Variants in UBE3B observed in about 807,000 individuals in gnomAD.
UBE3B encodes the protein ubiquitin-protein ligase E3B.
UBE3B carries 80 observed loss-of-function variants against 132.3 expected under a neutral mutation model. That is an observed-to-expected ratio of 0.60 (90% confidence interval 0.50 to 0.73). The LOEUF (loss-of-function observed/expected upper bound fraction) is 0.73. Ranked by LOEUF, UBE3B falls within the 30% of genes least tolerant of loss-of-function variation. The pLI is 0.00. For missense variants in UBE3B, 1,196 were observed against 1,362.5 expected (o/e 0.88, Z 1.92); for synonymous variants, 487 against 520.4 (o/e 0.94, Z 0.87).
chr12:109,534,265 G>T lies in UBE3B; in HGVS notation c.3016-326G>T. ...GGGAGGAGTGCATTCAGAAATGTTT[G>T]GGCACCTAACAGTTTTTACAGCATT... is the stretch of plus-strand genomic sequence containing the variant. On this transcript the variant is annotated intron_variant, in intron 27 of 27. Transcript: ENST00000342494. This position sits in a 1 kb window ranked among gnomAD's most constrained non-coding sequence, Gnocchi z 5.2. 7.6e-7 allele frequency: 1 copy of T among 1,313,000 alleles called. No individual in the cohort carries two copies. The highest frequency in any genetic ancestry group is 9.8e-7 in the Non-Finnish European group (1 of 1,022,564). The allele number at this position is 1,313,000 out of a possible 1,614,324, so 81.3% of individuals were successfully genotyped here. A position where few individuals can be genotyped will look rare whatever the true frequency, so the allele number is the denominator to read the frequency against.
chr12:109,508,850 A>G (rs896988056), intron 15 of UBE3B: 16 of 690,992 alleles, frequency 2.3e-5, no homozygotes, highest in African/African-American at 3.9e-5. Context: ...ACAAATGCTT[A>G]CTAAGTACCT....
chr12:109,523,074 G>T (rs1326895629), intron 21 of UBE3B, among the ~76,000 whole-genome samples: 1 of 152,170 alleles, frequency 6.6e-6, no homozygotes, highest in Non-Finnish European at 1.5e-5. Flanking sequence ...TAATTGTGCT[G>T]ACGAGAGAAG....
Position 109,521,824 on chromosome 12 carries a change from A to C in UBE3B, c.2364+273A>C, listed in dbSNP as rs757818603. ...TGAAGCTTTGAGGAGTCACCTGTCC[A>C]GAGTTTCGTTGCTAGTTAAGTGGTA... is the stretch of plus-strand genomic sequence containing the variant. On this transcript the variant is annotated intron_variant, in intron 21 of 27. Coordinates refer to ENST00000342494, the MANE Select transcript of UBE3B (RefSeq NM_130466.4). The surrounding 1 kb of genome is among the most constrained non-coding windows in gnomAD (Gnocchi z 4.2). 6.6e-6 allele frequency among the ~76,000 whole-genome samples: 1 copy of C among 152,150 alleles called. No individual in the cohort carries two copies. The highest frequency in any genetic ancestry group is 1.5e-5 in the Non-Finnish European group (1 of 68,016).
At chr12:109,502,303 C>A (rs1879100195) in intron 13 of UBE3B, among the ~76,000 whole-genome samples, 1 of 152,228 alleles carries the variant, frequency 6.6e-6, no homozygotes, top group African/African-American at 2.4e-5. Flanking sequence ...AAAGGAGCCA[C>A]TCACTGAACC....
At chr12:109,533,750 G>A (rs1883190890) in intron 27 of UBE3B, 192 bp downstream of exon 27, 7 of 824,162 alleles carry the variant, frequency 8.5e-6, no homozygotes, top group Non-Finnish European at 1.4e-5. Flanking sequence ...GACTGCCCAC[G>A]GACTCAGCCC....
In UBE3B at chr12:109,521,676, G is replaced by A. The variant is rs1881734619; in HGVS notation, c.2364+125G>A. 2.3e-6 allele frequency: 2 copies of A among 851,332 alleles called. No homozygotes were observed. The highest frequency in any genetic ancestry group is 3.4e-5 in the African/African-American group (2 of 59,216). The allele number at this position is 851,332 out of a possible 1,614,324, so 52.7% of individuals were successfully genotyped here. A position where few individuals can be genotyped will look rare whatever the true frequency, so the allele number is the denominator to read the frequency against. ...GTCACTAGGATACAAGCGAGGACAG[G>A]GGCAGGAACCAAGGTTTGTTGTACA... On this transcript the variant is annotated intron_variant, in intron 21 of 27. Transcript: ENST00000342494. The surrounding 1 kb of genome is among the most constrained non-coding windows in gnomAD (Gnocchi z 4.2).
rs190742542 is a variant in UBE3B at position 109,522,194 on chromosome 12, C to T, written c.2364+643C>T. Reference sequence around the variant, plus strand: ...AATGGTAAGTGAGGAGGGCCTTCTACGGTGCCCAGCCAGCTGCTCACACCA... The same window carrying T: ...AATGGTAAGTGAGGAGGGCCTTCTATGGTGCCCAGCCAGCTGCTCACACCA... On this transcript the variant is annotated intron_variant, in intron 21 of 27. Coordinates refer to ENST00000342494, the MANE Select transcript of UBE3B (RefSeq NM_130466.4). This position sits in a 1 kb window ranked among gnomAD's most constrained non-coding sequence, Gnocchi z 4.2. Among the ~76,000 whole-genome samples, 66 of 152,298 alleles carry T rather than the reference C, an allele frequency of 4.3e-4. No homozygotes were observed. Among genetic ancestry groups the T allele is most frequent in the Admixed American group, 8.5e-4 (13 of 15,300 alleles).
chr12:109,541,935 A>G, the UBE3B span, among the ~76,000 whole-genome samples: 1 of 152,072 alleles, frequency 6.6e-6, no homozygotes, highest in East Asian at 1.9e-4. Context: ...AGATGATCTC[A>G]TCTTGTGGTC....
intron 9 of UBE3B, 40 bp downstream of exon 9, chr12:109,491,167 G>A: frequency 1.9e-6 from 3 of 1,587,052 alleles, no homozygotes; most frequent in Non-Finnish European, 2.6e-6. Flanking sequence ...GCATGTTCTT[G>A]AATGCTTCCT....
Position 109,499,651 on chromosome 12 carries a change from G to A in UBE3B, c.959G>A (p.Gly320Asp). 6.2e-7 allele frequency: 1 copy of A among 1,600,652 alleles called. No homozygotes were observed. The highest frequency in any genetic ancestry group is 8.5e-7 in the Non-Finnish European group (1 of 1,172,998). Residue 320 changes from glycine to aspartate, a missense_variant, in exon 12 of 28, where the codon GGC becomes GAC. Coordinates refer to ENST00000342494, the MANE Select transcript of UBE3B (RefSeq NM_130466.4). ...TCTGTAGGCAACCTCCTACACTTGG[G>A]CTCCCTCAGCCCCAGAGTGTTAGAG... The part of the protein sequence containing the change: ...LCLMGNLLHL[G>D]SLSPRVLEEE...
rs143958086 is a variant in UBE3B at position 109,521,628 on chromosome 12, G to T, written c.2364+77G>T. On this transcript the variant is annotated intron_variant, in intron 21 of 27. Coordinates refer to ENST00000342494, the MANE Select transcript of UBE3B (RefSeq NM_130466.4). This position sits in a 1 kb window ranked among gnomAD's most constrained non-coding sequence, Gnocchi z 4.2. ...TGGGCTTCTTCACATACACATATGT[G>T]ATCAGGCTTGGCCATGTAAACTGTC... 3.7e-6 allele frequency: 5 copies of T among 1,356,010 alleles called. No homozygotes were observed. Among genetic ancestry groups the T allele is most frequent in the Middle Eastern group, 1.9e-4 (1 of 5,302 alleles). The allele number at this position is 1,356,010 out of a possible 1,614,324, so 84.0% of individuals were successfully genotyped here.
intron 24 of UBE3B, chr12:109,528,187 G>A: frequency 3.6e-6 from 1 of 275,682 alleles, no homozygotes; most frequent in Non-Finnish European, 5.5e-6. Context: ...GCCTAGCAGT[G>A]CCAGTTTCTC....
At chr12:109,488,369 A>T (rs1049213584) in intron 6 of UBE3B, among the ~76,000 whole-genome samples, 4 of 152,150 alleles carry the variant, frequency 2.6e-5, no homozygotes, top group African/African-American at 9.7e-5. Context: ...CCATGATTCC[A>T]TTATCAGGCA....
intron 24 of UBE3B, chr12:109,528,283 T>C: frequency 1.0e-6 from 1 of 956,020 alleles, no homozygotes; most frequent in Non-Finnish European, 1.2e-6. Flanking sequence ...CCTCTCTCCT[T>C]CCCTCCCTCT....
chr12:109,479,951 G>A (rs1334458930), intron 1 of UBE3B, among the ~76,000 whole-genome samples: 1 of 152,144 alleles, frequency 6.6e-6, no homozygotes, highest in African/African-American at 2.4e-5. Flanking sequence ...TGTCATGGAG[G>A]GAGCATATCA....
intron 15 of UBE3B, among the ~76,000 whole-genome samples, chr12:109,507,966 C>G (rs1879896371): frequency 6.6e-6 from 1 of 152,202 alleles, no homozygotes; most frequent in Admixed American, 6.5e-5. Context: ...GGAAGCTGAT[C>G]AGTACCACTG....
At chr12:109,546,182 C>T in the UBE3B span, among the ~76,000 whole-genome samples, 3 of 152,190 alleles carry the variant, frequency 2.0e-5, no homozygotes, top group Middle Eastern at 3.4e-3. Context: ...ATGGTGAATG[C>T]GCCAGTGCCT....
intron 21 of UBE3B, 34 bp from the exon 22 acceptor site, chr12:109,523,944 G>A (rs1340861924): frequency 6.2e-7 from 1 of 1,611,996 alleles, no homozygotes; most frequent in Non-Finnish European, 8.5e-7. Context: ...CAGAATCCTG[G>A]CTGATGGACA....
chr12:109,540,411 A>G (rs1336821053), downstream of UBE3B, among the ~76,000 whole-genome samples: 2 of 152,164 alleles, frequency 1.3e-5, no homozygotes, highest in East Asian at 1.9e-4. Flanking sequence ...GGGTTTTGCC[A>G]TATTGCCCAC....
Sources: gnomAD v4.1 joint callset for allele counts (sites outside exome capture counted in the v4.1 genomes callset) on GRCh38, gnomAD v4.1.1 for gene constraint, Gnocchi (gnomAD v3.1) non-coding constraint, MANE v1.5 for transcripts, NCBI Gene and HGNC (gene_info 2026-07-23, HGNC 2026-07-21) for gene names.